The following RSPO2 variants were observed in gnomAD, a reference collection of about 807,000 sequenced individuals.
RSPO2 encodes R-spondin 2, also known as R-spondin-2.
A neutral mutation model predicts 30.9 loss-of-function variants in RSPO2; 14 were observed. The ratio of observed to expected loss-of-function variants is 0.45; its 90% CI spans 0.30 to 0.71. RSPO2 has a LOEUF of 0.71. Among genes scored for constraint, RSPO2 ranks in the 30% least tolerant of loss-of-function variants. The pLI, the probability that RSPO2 is intolerant of heterozygous loss-of-function variation, is 0.08. For synonymous variants in RSPO2, 107 were observed against 96.4 expected (o/e 1.11, Z -0.64); for missense variants, 264 against 301.9 (o/e 0.87, Z 0.93).
chr8:108,058,516 C>T (rs975649890), intron 2 of RSPO2, among the ~76,000 whole-genome samples: 1 of 152,078 alleles, frequency 6.6e-6, no homozygotes, highest in Non-Finnish European at 1.5e-5. Context: ...TCATATGGAA[C>T]CAAAAAAGAG....
intron 5 of RSPO2, among the ~76,000 whole-genome samples, chr8:107,941,500 G>A (rs1227479047): frequency 6.6e-6 from 1 of 152,100 alleles, no homozygotes; most frequent in Non-Finnish European, 1.5e-5. Context: ...CCATTTTTGT[G>A]TTTTGGGGCT....
intron 2 of RSPO2, among the ~76,000 whole-genome samples, chr8:108,040,616 T>C (rs904027171): frequency 7.9e-5 from 12 of 152,006 alleles, no homozygotes; most frequent in Non-Finnish European, 5.9e-5. Flanking sequence ...AGATCCAAAA[T>C]CTGAGCAAGA....
chr8:108,006,668 G>A (rs1043348164), intron 2 of RSPO2, among the ~76,000 whole-genome samples: 1 of 151,738 alleles, frequency 6.6e-6, no homozygotes, highest in African/African-American at 2.4e-5. Flanking sequence ...CAATATGTTG[G>A]GAAAAGTCAA....
intron 5 of RSPO2, among the ~76,000 whole-genome samples, chr8:107,917,425 C>A (rs1812016952): frequency 6.6e-6 from 1 of 152,004 alleles, no homozygotes; most frequent in African/African-American, 2.4e-5. Context: ...GTGGAGGCTG[C>A]AGTAAGCCAA....
chr8:107,929,030 C>A (rs190316465), intron 5 of RSPO2, among the ~76,000 whole-genome samples: 1 of 152,102 alleles, frequency 6.6e-6, no homozygotes, highest in Non-Finnish European at 1.5e-5. Flanking sequence ...AAGGCTGGAC[C>A]GCATGCCCTG....
chr8:108,060,556 G>A (rs953394572), intron 2 of RSPO2, among the ~76,000 whole-genome samples: 3 of 151,786 alleles, frequency 2.0e-5, no homozygotes, highest in Admixed American at 6.6e-5. Flanking sequence ...ATCTACGTCC[G>A]ATTGGTGTAC....
chr8:108,068,341 G>A (rs998046440), intron 2 of RSPO2, among the ~76,000 whole-genome samples: 1 of 152,120 alleles, frequency 6.6e-6, no homozygotes, highest in Non-Finnish European at 1.5e-5. Context: ...AGTCCAGGGG[G>A]TGCCATTAAT....
intron 2 of RSPO2, among the ~76,000 whole-genome samples, chr8:108,016,723 C>T (rs367816851): frequency 2.0e-5 from 3 of 152,058 alleles, no homozygotes; most frequent in Admixed American, 6.5e-5. Flanking sequence ...GCCTAGTGGG[C>T]GGTACAGATT....
At chr8:108,011,067 A>C in intron 2 of RSPO2, among the ~76,000 whole-genome samples, 1 of 143,402 alleles carries the variant, frequency 7.0e-6, no homozygotes, top group Non-Finnish European at 1.5e-5. Context: ...CAGGAGGCAG[A>C]GGTTGCAGTA....
chr8:108,003,303 ATATATATATTTTTTTTTTTTTTTT>A (rs1260778588), intron 2 of RSPO2, among the ~76,000 whole-genome samples: 15 of 27,204 alleles, frequency 5.5e-4, no homozygotes, highest in African/African-American at 1.5e-3. Flanking sequence ...ATATATATAT[ATATATATATTTTTTTTTTTTTTTT>A]TTTTTTTTTT....
At chr8:107,904,204 T>C (rs1451530517) in intron 5 of RSPO2, among the ~76,000 whole-genome samples, 1 of 152,038 alleles carries the variant, frequency 6.6e-6, no homozygotes, top group Non-Finnish European at 1.5e-5. Context: ...TAGACTTCAA[T>C]TGCTGCACAT....
chr8:107,948,859 CAAA>C (rs200850030), intron 5 of RSPO2, among the ~76,000 whole-genome samples: 35 of 145,604 alleles, frequency 2.4e-4, no homozygotes, highest in Admixed American at 3.4e-4. Context: ...GACTCCATCT[CAAA>C]AAAAAAATAA....
At chr8:107,994,500 G>A (rs1814949956) in intron 2 of RSPO2, among the ~76,000 whole-genome samples, 1 of 152,016 alleles carries the variant, frequency 6.6e-6, no homozygotes, top group African/African-American at 2.4e-5. Flanking sequence ...ACCATATGAA[G>A]TTCACTGCAT....
intron 5 of RSPO2, among the ~76,000 whole-genome samples, chr8:107,931,634 AGTATTT>A (rs1466820683): frequency 6.6e-6 from 1 of 152,218 alleles, no homozygotes; most frequent in Non-Finnish European, 1.5e-5. Context: ...TAAGTTTCAG[AGTATTT>A]AATGGCACTC....
intron 2 of RSPO2, among the ~76,000 whole-genome samples, chr8:108,064,990 G>T (rs1215390719): frequency 6.6e-6 from 1 of 151,952 alleles, no homozygotes; most frequent in East Asian, 1.9e-4. Flanking sequence ...TTGGACACAG[G>T]ATGGGGAACA....
intron 2 of RSPO2, among the ~76,000 whole-genome samples, chr8:108,052,952 A>C (rs1329399298): frequency 1.3e-5 from 2 of 152,178 alleles, no homozygotes; most frequent in Non-Finnish European, 2.9e-5. Context: ...CCTTTAAGTT[A>C]TCTCTCTTAC....
intron 2 of RSPO2, among the ~76,000 whole-genome samples, chr8:108,025,621 G>A (rs1267596998): frequency 6.6e-6 from 1 of 152,006 alleles, no homozygotes; most frequent in Non-Finnish European, 1.5e-5. Context: ...AACCTCCTAG[G>A]CTCTAGCAAT....
At chr8:108,059,963 T>A (rs1333377228) in intron 2 of RSPO2, among the ~76,000 whole-genome samples, 1 of 151,206 alleles carries the variant, frequency 6.6e-6, no homozygotes, top group African/African-American at 2.5e-5. Context: ...GTAACAAACC[T>A]GCACATTGTG....
At chr8:107,915,098 G>A (rs368525582) in intron 5 of RSPO2, among the ~76,000 whole-genome samples, 3 of 152,144 alleles carry the variant, frequency 2.0e-5, no homozygotes, top group Non-Finnish European at 4.4e-5. Context: ...GTCTTCATAT[G>A]TGCATGTGTA....
Sources: gnomAD v4.1 joint callset for allele counts (sites outside exome capture counted in the v4.1 genomes callset) on GRCh38, gnomAD v4.1.1 for gene constraint, MANE v1.5 for transcripts, NCBI Gene and HGNC (gene_info 2026-07-23, HGNC 2026-07-21) for gene names.